The following PPP5C variants were observed in gnomAD, a reference collection of about 807,000 sequenced individuals.
PPP5C encodes protein phosphatase 5 catalytic subunit, also known as serine/threonine-protein phosphatase 5.
Under a neutral mutation model 66.7 loss-of-function variants are expected in PPP5C, and 21 were observed. The ratio of observed to expected loss-of-function variants is 0.31; its 90% CI spans 0.22 to 0.45. PPP5C has a LOEUF of 0.45. Ranked by LOEUF, PPP5C falls within the 20% of genes least tolerant of loss-of-function variation. The pLI is 1.00. For synonymous variants in PPP5C, 246 were observed against 257.4 expected (o/e 0.96, Z 0.43); for missense variants, 464 against 675.9 (o/e 0.69, Z 3.48).
chr19:46,374,212 C>T (rs1023639936), intron 2 of PPP5C, among the ~76,000 whole-genome samples: 5 of 152,162 alleles, frequency 3.3e-5, no homozygotes, highest in African/African-American at 4.8e-5. Flanking sequence ...CCCCGCTTGG[C>T]GCACACACCT....
intron 2 of PPP5C, among the ~76,000 whole-genome samples, chr19:46,365,679 C>G (rs961462432): frequency 6.6e-6 from 1 of 152,172 alleles, no homozygotes; most frequent in Non-Finnish European, 1.5e-5. Flanking sequence ...CTTTAAGACT[C>G]CAACACGTCA....
Position 46,383,534 on chromosome 19 carries a change from A to T in PPP5C, c.699+58A>T. 6.7e-7 allele frequency: 1 copy of T among 1,484,428 alleles called. No homozygotes were observed. The highest frequency in any genetic ancestry group is 9.2e-7 in the Non-Finnish European group (1 of 1,090,228). The allele number at this position is 1,484,428 out of a possible 1,614,324, so 92.0% of individuals were successfully genotyped here. On this transcript the variant is annotated intron_variant, in intron 5 of 12. Coordinates refer to ENST00000012443, the MANE Select transcript of PPP5C (RefSeq NM_006247.4). This position sits in a 1 kb window ranked among gnomAD's most constrained non-coding sequence, Gnocchi z 5.0. ...GCGGGGGTGGGCTCTCTGGCTGGGG[A>T]GGGGCCACAGAGCTCAGGAACTCAC...
At chr19:46,353,076 G>A (rs1972219106) in intron 1 of PPP5C, among the ~76,000 whole-genome samples, 1 of 152,152 alleles carries the variant, frequency 6.6e-6, no homozygotes, top group Admixed American at 6.5e-5. Context: ...GCACGAGGGA[G>A]GGATCAAGCC....
rs569277096 is a variant in PPP5C, at chr19:46,386,501, TCTC to T, written c.905-589_905-587del. Among the ~76,000 whole-genome samples the T allele has an allele frequency of 4.0e-5, 6 of 151,424 alleles. No individual in the cohort carries two copies. In the South Asian group the frequency reaches 1.0e-3, roughly 26 times the overall value. Reference sequence around the variant, plus strand: ...GAGCAGATGCGAGACTGGGCAGCCTTCTCCTTGCCCCCAAGCTCTGGAAGGGAA... The same window carrying T: ...GAGCAGATGCGAGACTGGGCAGCCTTCTTGCCCCCAAGCTCTGGAAGGGAA... On this transcript the variant is annotated intron_variant, in intron 7 of 12. Transcript: ENST00000012443.
intron 2 of PPP5C, among the ~76,000 whole-genome samples, chr19:46,363,009 G>T (rs1377413816): frequency 6.7e-6 from 1 of 150,304 alleles, no homozygotes. Context: ...GGATGGTCTC[G>T]ATCTCCTGAC....
intron 2 of PPP5C, among the ~76,000 whole-genome samples, chr19:46,364,344 A>G (rs1972455585): frequency 6.6e-6 from 1 of 152,226 alleles, no homozygotes; most frequent in Non-Finnish European, 1.5e-5. Context: ...GGCCAGATGC[A>G]GTGGCTCACC....
At chr19:46,361,128 A>ATTTTTTTTTTTTT (rs202038384) in intron 2 of PPP5C, among the ~76,000 whole-genome samples, 3 of 133,416 alleles carry the variant, frequency 2.2e-5, no homozygotes, top group African/African-American at 2.8e-5. Flanking sequence ...AGTGAAAGAA[A>ATTTTTTTTTTTTT]ATTTTTTTTT....
At chr19:46,351,207 A>T (rs1355920665) in intron 1 of PPP5C, among the ~76,000 whole-genome samples, 1 of 152,154 alleles carries the variant, frequency 6.6e-6, no homozygotes, top group Non-Finnish European at 1.5e-5. Flanking sequence ...TACCTGCTTG[A>T]TGACGCCTGG....
chr19:46,374,184 G>A (rs548610221), intron 2 of PPP5C, among the ~76,000 whole-genome samples: 1 of 152,286 alleles, frequency 6.6e-6, no homozygotes, highest in South Asian at 2.1e-4. Flanking sequence ...GTGGCCTGCT[G>A]GGCCTGGGCT....
intron 4 of PPP5C, chr19:46,382,662 CT>C (rs1356375201): frequency 1.4e-5 from 5 of 356,666 alleles, no homozygotes; most frequent in South Asian, 2.3e-4. Context: ...TTTTTTTCCC[CT>C]AACCCATTTG....
chr19:46,384,859 C>T lies in PPP5C; in HGVS notation c.854C>T (p.Thr285Ile), dbSNP rs1972855453. Reference protein sequence around the residue: ...RGSFSVEVILTLFGFKLLYPD... With the variant: ...RGSFSVEVILILFGFKLLYPD... ...TCCTTCTCTGTAGAAGTGATCCTCA[C>T]CCTTTTCGGCTTCAAGCTCCTGTAC... Residue 285 changes from threonine to isoleucine, a missense_variant, in exon 7 of 13, where the codon ACC becomes ATC. Thr to Ile is a moderately conservative substitution (Grantham distance 89). Coordinates refer to ENST00000012443, the MANE Select transcript of PPP5C (RefSeq NM_006247.4). 1 of 1,614,164 alleles carries T rather than the reference C, an allele frequency of 6.2e-7. No individual in the cohort carries two copies. The highest frequency in any genetic ancestry group is 8.5e-7 in the Non-Finnish European group (1 of 1,180,018).
At chr19:46,389,966 C>G (rs1336850436) in intron 11 of PPP5C, 85 bp from the exon 12 acceptor site, 6 of 1,242,428 alleles carry the variant, frequency 4.8e-6, no homozygotes, top group Non-Finnish European at 7.1e-6. Flanking sequence ...TCCCTCTGTC[C>G]CTTCTTGCCC....
chr19:46,379,873 T>A (rs564234493), intron 4 of PPP5C, among the ~76,000 whole-genome samples: 1 of 152,350 alleles, frequency 6.6e-6, no homozygotes, highest in South Asian at 2.1e-4. Flanking sequence ...TGAGCAGATA[T>A]CACTGAAAAT....
intron 6 of PPP5C, 128 bp downstream of exon 6, chr19:46,384,006 T>G: frequency 1.3e-6 from 1 of 799,928 alleles, no homozygotes; most frequent in Non-Finnish European, 2.0e-6. Flanking sequence ...CTGGCCATGC[T>G]GGGGCACCAA....
At chr19:46,361,288 C>T (rs1231867283) in intron 2 of PPP5C, among the ~76,000 whole-genome samples, 1 of 151,164 alleles carries the variant, frequency 6.6e-6, no homozygotes, top group African/African-American at 2.4e-5. Flanking sequence ...TGCTACCACG[C>T]CCAGCGTATT....
intron 2 of PPP5C, among the ~76,000 whole-genome samples, chr19:46,369,278 A>G (rs773501819): frequency 1.3e-5 from 2 of 152,210 alleles, no homozygotes; most frequent in Non-Finnish European, 2.9e-5. Context: ...CCTGTACAGC[A>G]TGTTACTTTA....
Position 46,375,764 on chromosome 19 carries a change from T to A in PPP5C, c.511+13T>A. The A allele has an allele frequency of 6.3e-7, 1 of 1,582,208 alleles. No individual in the cohort carries two copies. Among genetic ancestry groups the A allele is most frequent in the South Asian group, 1.1e-5 (1 of 87,044 alleles). ...ATCGAGAGCATGAGTGAGTCAGGCC[T>A]GGATGCTCCACGCTCCAGCCCAGAA... On this transcript the variant is annotated intron_variant, in intron 3 of 12. Coordinates refer to ENST00000012443, the MANE Select transcript of PPP5C (RefSeq NM_006247.4).
rs759598251 is a variant in PPP5C at position 46,375,578 on chromosome 19, G to T, written c.364-26G>T. Reference sequence around the variant, plus strand: ...GCTGTGCCCCCACCTCAGCCTCAGTGTGCACGCCCCTTCCCTCCCACCCAG... The same window carrying T: ...GCTGTGCCCCCACCTCAGCCTCAGTTTGCACGCCCCTTCCCTCCCACCCAG... On this transcript the variant is annotated intron_variant, in intron 2 of 12. Transcript: ENST00000012443. 26 of 1,612,288 alleles carry T rather than the reference G, an allele frequency of 1.6e-5. No individual in the cohort carries two copies. The East Asian group carries it at 5.8e-4, about 36-fold the overall frequency.
intron 4 of PPP5C, among the ~76,000 whole-genome samples, chr19:46,378,319 G>A (rs994500659): frequency 2.0e-4 from 31 of 152,138 alleles, no homozygotes; most frequent in African/African-American, 7.0e-4. Flanking sequence ...AGATGTTACT[G>A]TTACTGATTT....
Sources: allele counts gnomAD v4.1 joint callset (sites outside exome capture counted in the v4.1 genomes callset), GRCh38; gene constraint gnomAD v4.1.1; non-coding constraint Gnocchi (gnomAD v3.1); transcripts MANE v1.5; gene names NCBI Gene and HGNC (gene_info 2026-07-23, HGNC 2026-07-21).